SNTB1: variants seen among roughly 807,000 people sequenced by gnomAD.
SNTB1 encodes syntrophin beta 1.
In SNTB1, 36 loss-of-function variants were observed where a neutral mutation model predicts 48.9. That is an observed-to-expected ratio of 0.74 (90% CI 0.56 to 0.97). SNTB1 has a LOEUF of 0.97. Among genes scored for constraint, SNTB1 ranks in the 50% least tolerant of loss-of-function variants. The pLI is 0.00. For synonymous variants in SNTB1, 299 were observed against 294.6 expected, an observed-to-expected ratio of 1.01 and a Z score of -0.15; for missense variants, 786 against 703.4, an observed-to-expected ratio of 1.12 and a Z score of -1.33.
chr8:120,629,572 A>G (rs776746820), intron 3 of SNTB1, among the ~76,000 whole-genome samples: 2 of 152,222 alleles, frequency 1.3e-5, no homozygotes, highest in South Asian at 2.1e-4. Context: ...TAAGAAAGGC[A>G]TCGTATTAAG....
At chr8:120,706,329 A>G (rs1818375340) in intron 1 of SNTB1, among the ~76,000 whole-genome samples, 1 of 152,178 alleles carries the variant, frequency 6.6e-6, no homozygotes, top group African/African-American at 2.4e-5. Flanking sequence ...ACATTGCAGG[A>G]TAGATAATCA....
intron 2 of SNTB1, among the ~76,000 whole-genome samples, chr8:120,682,129 GA>G (rs1255166406): frequency 1.3e-5 from 2 of 151,590 alleles, no homozygotes; most frequent in Non-Finnish European, 1.5e-5. Flanking sequence ...AAGCAATAGA[GA>G]AAAAAACCTT....
At chr8:120,797,895 A>G (rs1311501796) in intron 1 of SNTB1, among the ~76,000 whole-genome samples, 2 of 151,908 alleles carry the variant, frequency 1.3e-5, no homozygotes, top group Non-Finnish European at 2.9e-5. Flanking sequence ...TGGTTTGTAC[A>G]CCTTTATTCC....
intron 1 of SNTB1, among the ~76,000 whole-genome samples, chr8:120,768,104 G>A (rs900758849): frequency 1.3e-5 from 2 of 152,188 alleles, no homozygotes; most frequent in Non-Finnish European, 2.9e-5. Flanking sequence ...TGCACTGCTG[G>A]AAAGGCAGGC....
At chr8:120,621,878 G>A (rs569413969) in intron 3 of SNTB1, among the ~76,000 whole-genome samples, 59 of 152,012 alleles carry the variant, frequency 3.9e-4, no homozygotes, top group African/African-American at 1.2e-3. Context: ...CCTCCTCCCC[G>A]ATCCCCAGCA....
chr8:120,571,747 C>T (rs1312378499), intron 4 of SNTB1, among the ~76,000 whole-genome samples: 1 of 151,986 alleles, frequency 6.6e-6, no homozygotes, highest in Non-Finnish European at 1.5e-5. Flanking sequence ...GATCTGCCCT[C>T]CTCGGCCTCC....
intron 2 of SNTB1, among the ~76,000 whole-genome samples, chr8:120,639,044 C>T (rs1485369903): frequency 2.0e-5 from 3 of 152,220 alleles, no homozygotes; most frequent in East Asian, 3.9e-4. Flanking sequence ...ACATCCTCTC[C>T]AGCACCTGTT....
intron 3 of SNTB1, among the ~76,000 whole-genome samples, chr8:120,599,267 A>G (rs951732985): frequency 1.3e-5 from 2 of 152,248 alleles, no homozygotes; most frequent in African/African-American, 4.8e-5. Flanking sequence ...TACACATTAA[A>G]AGTTAATAAA....
At chr8:120,797,894 C>T (rs1373667959) in intron 1 of SNTB1, among the ~76,000 whole-genome samples, 1 of 151,930 alleles carries the variant, frequency 6.6e-6, no homozygotes, top group Non-Finnish European at 1.5e-5. Context: ...CTGGTTTGTA[C>T]ACCTTTATTC....
At chr8:120,642,241 A>G (rs1443356413) in intron 2 of SNTB1, among the ~76,000 whole-genome samples, 1 of 152,262 alleles carries the variant, frequency 6.6e-6, no homozygotes, top group Non-Finnish European at 1.5e-5. Flanking sequence ...GAGAAAGAAT[A>G]CAAAAGACAT....
chr8:120,707,312 T>G (rs1022550062), intron 1 of SNTB1, among the ~76,000 whole-genome samples: 2 of 152,192 alleles, frequency 1.3e-5, no homozygotes, highest in African/African-American at 4.8e-5. Context: ...AACTAATGCC[T>G]TTAGGACTCA....
At chr8:120,687,226 T>C (rs1461575172) in intron 2 of SNTB1, among the ~76,000 whole-genome samples, 15 of 152,240 alleles carry the variant, frequency 9.9e-5, no homozygotes. Context: ...CATCTGTCTA[T>C]GAATGTGTAA....
chr8:120,811,800 G>A lies in SNTB1; in HGVS notation c.44C>T (p.Ala15Val), dbSNP rs1379914423. ...GCTCCGCTGCGCCCGGCCGCCTCCC[G>A]CGCCAGCCGGCCCAGCCGCCGCCGC... The part of the protein sequence containing the change: ...AAAAAAGPAG[A>V]GGGRAQRSGL... Residue 15 changes from alanine (A) to valine (V), a missense_variant, in exon 1 of 7, where the codon GCG (alanine) becomes GTG (valine). Ala to Val is a moderately conservative substitution (Grantham distance 64, BLOSUM62 0). Coordinates refer to ENST00000517992, the MANE Select transcript of SNTB1 (RefSeq NM_021021.4). The A allele has an allele frequency of 7.1e-7, 1 of 1,405,746 alleles. No individual in the cohort carries two copies. Among genetic ancestry groups the A allele is most frequent in the Admixed American group, 3.3e-5 (1 of 30,444 alleles). 87.1% of individuals were successfully genotyped at this position (1,405,746 alleles called of 1,614,324 possible).
At chr8:120,695,522 T>C (rs529003992) in intron 1 of SNTB1, among the ~76,000 whole-genome samples, 1 of 152,214 alleles carries the variant, frequency 6.6e-6, no homozygotes, top group East Asian at 1.9e-4. Flanking sequence ...GCTCTGCTTC[T>C]CAGAAACCCA....
chr8:120,609,233 A>C (rs55885222), intron 3 of SNTB1, among the ~76,000 whole-genome samples: 67,377 of 152,102 alleles, frequency 0.44, 18,290 homozygotes, highest in Non-Finnish European at 0.63. Flanking sequence ...AAAATATCTT[A>C]AAAACTAGAC....
At chr8:120,583,397 T>A (rs1587007788) in intron 3 of SNTB1, among the ~76,000 whole-genome samples, 1 of 151,794 alleles carries the variant, frequency 6.6e-6, no homozygotes, top group East Asian at 1.9e-4. Flanking sequence ...TCCCAGCTAC[T>A]CCTACTCAGG....
chr8:120,647,389 G>A (rs1219457120), intron 2 of SNTB1, among the ~76,000 whole-genome samples: 1 of 150,062 alleles, frequency 6.7e-6, no homozygotes, highest in Non-Finnish European at 1.5e-5. Context: ...TGGTTTCAAA[G>A]AACATCTTTA....
chr8:120,693,942 C>T (rs376153305), intron 1 of SNTB1, 34 bp from the exon 2 acceptor site: 147 of 1,520,326 alleles, frequency 9.7e-5, no homozygotes, highest in Non-Finnish European at 1.3e-4. Context: ...GCTTTTAATA[C>T]ATCACGGCTG....
chr8:120,554,318 G>A (rs1317378806), intron 4 of SNTB1, among the ~76,000 whole-genome samples: 2 of 152,176 alleles, frequency 1.3e-5, no homozygotes, highest in African/African-American at 2.4e-5. Context: ...GACAGGCTCC[G>A]TCTGGCCACC....
Sources: allele counts gnomAD v4.1 joint callset (sites outside exome capture counted in the v4.1 genomes callset), GRCh38; gene constraint gnomAD v4.1.1; transcripts MANE v1.5; gene names NCBI Gene and HGNC (gene_info 2026-07-23, HGNC 2026-07-21).